Variants in ATP13A4 observed in about 807,000 individuals in gnomAD.
ATP13A4 encodes the protein probable cation-transporting ATPase 13A4.
ATP13A4 carries 114 observed loss-of-function variants against 142.5 expected under a neutral mutation model. That is an observed-to-expected ratio of 0.80 (90% confidence interval 0.69 to 0.93). ATP13A4 has a LOEUF of 0.93. Among genes scored for constraint, ATP13A4 ranks in the 40% least tolerant of loss-of-function variants. The pLI, the probability that ATP13A4 is intolerant of heterozygous loss-of-function variation, is 0.00. For missense variants in ATP13A4, 1,392 were observed against 1,454.0 expected (o/e 0.96, Z 0.69); for synonymous variants, 488 against 514.8 (o/e 0.95, Z 0.70).
intron 21 of ATP13A4, 181 bp downstream of exon 21, chr3:193,440,377 T>G (rs563105057): frequency 3.4e-6 from 4 of 1,182,638 alleles, no homozygotes; most frequent in Admixed American, 2.8e-5. Flanking sequence ...AATCAGGATC[T>G]CTGAATGGTG....
intron 3 of ATP13A4, among the ~76,000 whole-genome samples, chr3:193,498,378 G>A (rs1194251508): frequency 6.6e-6 from 1 of 152,128 alleles, no homozygotes. Flanking sequence ...ACTGTTGGCA[G>A]TGGGAGAAAA....
At chr3:193,546,655 T>A (rs1723243955) in intron 1 of ATP13A4, among the ~76,000 whole-genome samples, 1 of 152,214 alleles carries the variant, frequency 6.6e-6, no homozygotes, top group Non-Finnish European at 1.5e-5. Flanking sequence ...GATGTTGTGT[T>A]TCTTTCAATT....
chr3:193,446,623 T>G (rs986504670), intron 18 of ATP13A4, among the ~76,000 whole-genome samples: 1 of 152,182 alleles, frequency 6.6e-6, no homozygotes, highest in Non-Finnish European at 1.5e-5. Flanking sequence ...CATAATCTGT[T>G]TTATCATATG....
chr3:193,478,048 G>A (rs1719070596), intron 8 of ATP13A4, among the ~76,000 whole-genome samples: 1 of 152,020 alleles, frequency 6.6e-6, no homozygotes, highest in Non-Finnish European at 1.5e-5. Context: ...AAACGAAGCA[G>A]TGTTATATTC....
rs770130814 is a variant in ATP13A4 at position 193,491,370 on chromosome 3, C to G, written c.562G>C (p.Asp188His). 2 of 1,600,484 alleles carry G rather than the reference C, an allele frequency of 1.2e-6. No individual in the cohort carries two copies. Among genetic ancestry groups the G allele is most frequent in the East Asian group, 2.2e-5 (1 of 44,734 alleles). The change falls in exon 6 of 30, where the codon GAT becomes CAT. Residue 188 changes from aspartate to histidine, a missense_variant. Physicochemically the swap from Asp to His is moderately conservative, Grantham distance 81. Coordinates refer to ENST00000342695, the MANE Select transcript of ATP13A4 (RefSeq NM_032279.4). ...RRLICGPNTI[D>H]VEVTPIWKLL... ...TTCCAAATTGGTGTAACTTCAACATCGATAGTATTAGGCCCACATATTAAC... is the reference window on the plus strand; with the variant it reads ...TTCCAAATTGGTGTAACTTCAACATGGATAGTATTAGGCCCACATATTAAC...
intron 25 of ATP13A4, among the ~76,000 whole-genome samples, chr3:193,421,508 A>C (rs1715399004): frequency 6.7e-6 from 1 of 150,054 alleles, no homozygotes; most frequent in African/African-American, 2.4e-5. Flanking sequence ...GGTGAAATCC[A>C]GAATATCCCA....
At position 193,493,585 on chromosome 3, in the gene ATP13A4, T is replaced by C. The variant is rs538127456; in HGVS notation, c.382-425A>G. On this transcript the variant is annotated intron_variant, in intron 3 of 29. Coordinates refer to ENST00000342695, the MANE Select transcript of ATP13A4 (RefSeq NM_032279.4). ...ATGGAAGGCATCATGATGGAGATGA[T>C]GTATGAGTTACAGTGTCGAAGGATT... 9.9e-5 allele frequency among the ~76,000 whole-genome samples: 15 copies of C among 152,250 alleles called. 1 individual carries two copies. The South Asian group carries it at 2.3e-3, about 23-fold the overall frequency.
At position 193,505,741 on chromosome 3, in the gene ATP13A4, A is replaced by G. The variant is rs1420549576; in HGVS notation, c.235-3102T>C. Among the ~76,000 whole-genome samples the G allele has an allele frequency of 2.0e-5, 3 of 152,118 alleles. 1 individual carries two copies. The highest frequency in any genetic ancestry group is 7.2e-5 in the African/African-American group (3 of 41,418). ...ACTCTGTCAAATCACCCAGCTTTTT[A>G]AGGAAAAAAAGCAAAGAAATGGAAG... On this transcript the variant is annotated intron_variant, in intron 2 of 29. Transcript: ENST00000342695.
intron 1 of ATP13A4, among the ~76,000 whole-genome samples, chr3:193,522,770 C>A (rs1215187347): frequency 1.3e-5 from 2 of 152,142 alleles, no homozygotes; most frequent in African/African-American, 2.4e-5. Flanking sequence ...AAGAGGGACT[C>A]CACCCAATAG....
intron 1 of ATP13A4, among the ~76,000 whole-genome samples, chr3:193,538,121 C>G (rs1056006569): frequency 6.6e-6 from 1 of 152,110 alleles, no homozygotes; most frequent in Non-Finnish European, 1.5e-5. Flanking sequence ...AAAGGGTACT[C>G]AGAATCTCCC....
At chr3:193,418,269 A>C (rs1715210885) in intron 25 of ATP13A4, among the ~76,000 whole-genome samples, 1 of 146,414 alleles carries the variant, frequency 6.8e-6, no homozygotes, top group South Asian at 2.2e-4. Flanking sequence ...CAGTGAGCCG[A>C]GATTGCGCCA....
At chr3:193,490,139 G>T (rs575649435) in intron 6 of ATP13A4, among the ~76,000 whole-genome samples, 1 of 152,094 alleles carries the variant, frequency 6.6e-6, no homozygotes, top group South Asian at 2.1e-4. Flanking sequence ...TGAGAAATAC[G>T]TCCAAAGTCA....
intron 2 of ATP13A4, among the ~76,000 whole-genome samples, chr3:193,573,308 C>CGTGTATATATATATATTCTTATAT (rs1229145689): frequency 9.6e-6 from 1 of 103,674 alleles, no homozygotes; most frequent in Non-Finnish European, 1.8e-5. Flanking sequence ...TATATATATA[C>CGTGTATATATATATATTCTTATAT]ATATATATAT....
chr3:193,583,682 G>T (rs1296285425), intron 1 of ATP13A4, among the ~76,000 whole-genome samples: 1 of 151,890 alleles, frequency 6.6e-6, no homozygotes, highest in Non-Finnish European at 1.5e-5. Context: ...CAATAAGTTG[G>T]CATTTCAATA....
At chr3:193,410,858 G>C in intron 28 of ATP13A4, 124 bp downstream of exon 28, 1 of 662,966 alleles carries the variant, frequency 1.5e-6, no homozygotes, top group African/African-American at 1.8e-5. Context: ...ATTTTTTTTA[G>C]CTCTGCCATC....
chr3:193,415,754 A>C (rs1715026862), intron 25 of ATP13A4, among the ~76,000 whole-genome samples: 1 of 152,190 alleles, frequency 6.6e-6, no homozygotes, highest in African/African-American at 2.4e-5. Flanking sequence ...TGCCTAGGGC[A>C]AAAAAATTAC....
chr3:193,585,142 G>C (rs7618509), intron 1 of ATP13A4, among the ~76,000 whole-genome samples: 65,451 of 152,006 alleles, frequency 0.43, 14,325 homozygotes, highest in Non-Finnish European at 0.44. Context: ...TTTTGACCAG[G>C]CACGGTGGCT....
chr3:193,493,371 G>A (rs1720048585), intron 3 of ATP13A4, among the ~76,000 whole-genome samples: 1 of 151,994 alleles, frequency 6.6e-6, no homozygotes, highest in Admixed American at 6.6e-5. Context: ...CATGTATCAT[G>A]GACCTACTAT....
At chr3:193,410,308 T>C (rs191607168) in intron 28 of ATP13A4, among the ~76,000 whole-genome samples, 8 of 151,888 alleles carry the variant, frequency 5.3e-5, no homozygotes, top group Admixed American at 4.6e-4. Context: ...AAAAAAGCTA[T>C]AGGCAAAACA....
Sources: gnomAD v4.1 joint callset for allele counts (sites outside exome capture counted in the v4.1 genomes callset) on GRCh38, gnomAD v4.1.1 for gene constraint, MANE v1.5 for transcripts, NCBI Gene and HGNC (gene_info 2026-07-23, HGNC 2026-07-21) for gene names.